Variants in PHACTR1 observed in about 807,000 individuals in gnomAD.
PHACTR1 encodes RPEL repeat containing 1.
In PHACTR1, 16 loss-of-function variants were observed where a neutral mutation model predicts 69.2. The ratio of observed to expected loss-of-function variants is 0.23; its 90% CI spans 0.16 to 0.35. The LOEUF is 0.35. Ranked by LOEUF, PHACTR1 falls within the 10% of genes least tolerant of loss-of-function variation. The pLI, the probability that PHACTR1 is intolerant of heterozygous loss-of-function variation, is 1.00. For missense variants in PHACTR1, 510 were observed against 734.7 expected, an observed-to-expected ratio of 0.69 and a Z score of 3.54; for synonymous variants, 312 against 284.5, an observed-to-expected ratio of 1.10 and a Z score of -0.97.
intron 4 of PHACTR1, among the ~76,000 whole-genome samples, chr6:12,893,628 T>C (rs1784364841): frequency 6.6e-6 from 1 of 152,168 alleles, no homozygotes. Flanking sequence ...ACTATTATTA[T>C]CTTTCAACCA....
In PHACTR1 at chr6:13,287,127, T is replaced by TA. The variant is rs1265242833; in HGVS notation, c.*51dup. On this transcript the variant is annotated 3_prime_UTR_variant, in exon 15 of 15. Coordinates refer to ENST00000332995, the MANE Select transcript of PHACTR1 (RefSeq NM_030948.6). ...ATGCTGTCTTCAAAACATAAATTTA[T>TA]AAGAACCATAAGTGCTGGTATTTAT... is the stretch of plus-strand genomic sequence containing the variant. 6.6e-7 allele frequency: 1 copy of TA among 1,520,896 alleles called. No individual in the cohort carries two copies. 94.2% of individuals were successfully genotyped at this position (1,520,896 alleles called of 1,614,324 possible). A position where few individuals can be genotyped will look rare whatever the true frequency, so the allele number is the denominator to read the frequency against.
At chr6:12,998,640 T>C (rs1181871369) in intron 4 of PHACTR1, among the ~76,000 whole-genome samples, 7 of 142,488 alleles carry the variant, frequency 4.9e-5, no homozygotes, top group African/African-American at 1.8e-4. Context: ...AAAGAAAAAG[T>C]AAAAGTCCCA....
At chr6:13,145,995 T>G (rs950570304) in intron 5 of PHACTR1, among the ~76,000 whole-genome samples, 1 of 152,224 alleles carries the variant, frequency 6.6e-6, no homozygotes, top group Non-Finnish European at 1.5e-5. Flanking sequence ...CAGATCTGCT[T>G]GACAAACTGT....
intron 4 of PHACTR1, among the ~76,000 whole-genome samples, chr6:12,891,352 G>A (rs941347314): frequency 6.6e-6 from 1 of 152,032 alleles, no homozygotes; most frequent in Admixed American, 6.6e-5. Flanking sequence ...CCTTTTCCGT[G>A]AGTTATTCAA....
At chr6:13,257,856 GGA>G (rs2127412212) in intron 10 of PHACTR1, among the ~76,000 whole-genome samples, 1 of 152,242 alleles carries the variant, frequency 6.6e-6, no homozygotes, top group East Asian at 1.9e-4. Flanking sequence ...TGCATCTCCT[GGA>G]GAGAGCTTGT....
intron 4 of PHACTR1, among the ~76,000 whole-genome samples, chr6:12,864,835 T>G (rs1643681232): frequency 6.6e-6 from 1 of 152,200 alleles, no homozygotes; most frequent in Non-Finnish European, 1.5e-5. Flanking sequence ...TAGTTTCCAG[T>G]GTGGATTTCT....
At chr6:12,789,077 C>G (rs1011537173) in intron 4 of PHACTR1, among the ~76,000 whole-genome samples, 2 of 152,162 alleles carry the variant, frequency 1.3e-5, no homozygotes, top group African/African-American at 2.4e-5. Flanking sequence ...GTCAGTTTTG[C>G]GCACAATGCC....
chr6:13,186,274 AT>A (rs1762815633), intron 7 of PHACTR1, among the ~76,000 whole-genome samples: 1 of 152,248 alleles, frequency 6.6e-6, no homozygotes, highest in African/African-American at 2.4e-5. Flanking sequence ...TTGAATAAAA[AT>A]TGAATGTTGC....
intron 5 of PHACTR1, among the ~76,000 whole-genome samples, chr6:13,115,970 G>T (rs993685738): frequency 3.3e-5 from 5 of 152,160 alleles, no homozygotes; most frequent in African/African-American, 1.2e-4. Context: ...AAGATGTCTT[G>T]GTGTGACAGG....
rs11964055 is a variant in PHACTR1, at chr6:12,850,604, T to C, written c.250+100814T>C. ...CTGTAGCAAAGTACCAAAATCTGAG[T>C]GGCTTAAAATCATAGAAATGTATTG... On this transcript the variant is annotated intron_variant, in intron 4 of 14. Transcript: ENST00000332995. Among the ~76,000 whole-genome samples, 1,077 of 152,316 alleles carry C rather than the reference T, an allele frequency of 7.1e-3. 19 individuals carry two copies. Among genetic ancestry groups the C allele is most frequent in the African/African-American group, 0.025 (1,028 of 41,572 alleles).
At chr6:12,993,166 G>A (rs1158202850) in intron 4 of PHACTR1, among the ~76,000 whole-genome samples, 3 of 152,124 alleles carry the variant, frequency 2.0e-5, no homozygotes, top group African/African-American at 7.2e-5. Flanking sequence ...GAAAAGAAAT[G>A]ATTTTGGGGC....
intron 5 of PHACTR1, among the ~76,000 whole-genome samples, chr6:13,075,994 G>T (rs116626645): frequency 1.8e-3 from 273 of 148,300 alleles, no homozygotes; most frequent in African/African-American, 6.2e-3. Context: ...TCTTAGCAAT[G>T]AATTATTTGA....
intron 4 of PHACTR1, among the ~76,000 whole-genome samples, chr6:12,987,533 A>G (rs1485074366): frequency 1.3e-5 from 2 of 152,186 alleles, no homozygotes; most frequent in Non-Finnish European, 2.9e-5. Flanking sequence ...AGGTGAAACC[A>G]TGAGAGATTA....
In PHACTR1 at chr6:12,941,179, C is replaced by T. The variant is rs78633257; in HGVS notation, c.251-112186C>T. 1.7e-3 allele frequency among the ~76,000 whole-genome samples: 254 copies of T among 152,268 alleles called. 1 individual carries two copies. The highest frequency in any genetic ancestry group is 3.4e-3 in the Middle Eastern group (1 of 294). ...TACAGAAAACCCTTGAGTCCCAATA[C>T]GTTTGGGTAAACTTTCTTCAGCTGG... On this transcript the variant is annotated intron_variant, in intron 4 of 14. Transcript: ENST00000332995.
At position 13,287,829 on chromosome 6, in the gene PHACTR1, C is replaced by T. The variant is rs1342679238; in HGVS notation, c.*751C>T. 1 of 154,106 alleles carries T rather than the reference C, an allele frequency of 6.5e-6. No individual in the cohort carries two copies. Among genetic ancestry groups the T allele is most frequent in the Admixed American group, 6.4e-5 (1 of 15,576 alleles). 9.5% of individuals were successfully genotyped at this position (154,106 alleles called of 1,614,324 possible). ...CATATGCTCAGTTCAAATAATCAAC[C>T]CAACTGTGTCCAGAGTGTCCAGTGT... is the stretch of plus-strand genomic sequence containing the variant. On this transcript the variant is annotated 3_prime_UTR_variant, in exon 15 of 15. Coordinates refer to ENST00000332995, the MANE Select transcript of PHACTR1 (RefSeq NM_030948.6).
At chr6:12,766,314 A>G (rs1768604596) in intron 4 of PHACTR1, among the ~76,000 whole-genome samples, 1 of 152,214 alleles carries the variant, frequency 6.6e-6, no homozygotes, top group Non-Finnish European at 1.5e-5. Context: ...TAAGATATTT[A>G]AAGAATTGAG....
chr6:12,913,464 A>G (rs1582449372), intron 4 of PHACTR1, among the ~76,000 whole-genome samples: 1 of 152,212 alleles, frequency 6.6e-6, no homozygotes, highest in South Asian at 2.1e-4. Context: ...ATGTCTCCCC[A>G]GGAAATGTCC....
chr6:12,953,329 A>C (rs1791518575), intron 4 of PHACTR1, among the ~76,000 whole-genome samples: 1 of 152,218 alleles, frequency 6.6e-6, no homozygotes, highest in Non-Finnish European at 1.5e-5. Flanking sequence ...TCTCAAAAAT[A>C]AATAAATACA....
At chr6:13,177,379 CTCTA>C (rs1488259673) in intron 6 of PHACTR1, among the ~76,000 whole-genome samples, 7 of 145,704 alleles carry the variant, frequency 4.8e-5, no homozygotes, top group African/African-American at 1.6e-4. Flanking sequence ...CTCTCTCTCT[CTCTA>C]TATATATATA....
Sources: allele counts gnomAD v4.1 joint callset (sites outside exome capture counted in the v4.1 genomes callset), GRCh38; gene constraint gnomAD v4.1.1; transcripts MANE v1.5; gene names NCBI Gene and HGNC (gene_info 2026-07-23, HGNC 2026-07-21).